Variants in MYO1E observed in about 807,000 individuals in gnomAD.
MYO1E encodes unconventional myosin-Ie.
In MYO1E, 68 loss-of-function variants were observed where a neutral mutation model predicts 151.1. The ratio of observed to expected loss-of-function variants is 0.45; its 90% CI spans 0.37 to 0.55. The LOEUF (loss-of-function observed/expected upper bound fraction) is 0.55, where lower values mean the gene tolerates loss of function less well. Among genes scored for constraint, MYO1E ranks in the 20% least tolerant of loss-of-function variants. The pLI is 0.00. For synonymous variants in MYO1E, 601 were observed against 501.7 expected, an observed-to-expected ratio of 1.20 and a Z score of -2.64; for missense variants, 1,363 against 1,389.3, an observed-to-expected ratio of 0.98 and a Z score of 0.30.
chr15:59,362,637 T>C (rs559075324), intron 1 of MYO1E, among the ~76,000 whole-genome samples: 2 of 152,360 alleles, frequency 1.3e-5, no homozygotes, highest in Non-Finnish European at 1.5e-5. Flanking sequence ...CTTATTAGAT[T>C]CTTCTGCATT....
intron 1 of MYO1E, among the ~76,000 whole-genome samples, chr15:59,327,181 T>C (rs146230249): frequency 2.6e-5 from 4 of 152,270 alleles, no homozygotes; most frequent in African/African-American, 7.2e-5. Flanking sequence ...CATGTAATCC[T>C]CCACCTTGTG....
chr15:59,366,681 T>C (rs1353442550), intron 1 of MYO1E, among the ~76,000 whole-genome samples: 1 of 152,114 alleles, frequency 6.6e-6, no homozygotes, highest in Non-Finnish European at 1.5e-5. Flanking sequence ...CTTTTACAGT[T>C]GTACTTCTCT....
chr15:59,340,009 G>A (rs762456101), intron 1 of MYO1E, among the ~76,000 whole-genome samples: 27 of 152,018 alleles, frequency 1.8e-4, no homozygotes, highest in Admixed American at 3.9e-4. Context: ...TACCACATCT[G>A]GCTAATTTTT....
intron 1 of MYO1E, among the ~76,000 whole-genome samples, chr15:59,283,663 C>T (rs759638225): frequency 6.6e-6 from 1 of 152,228 alleles, no homozygotes; most frequent in Non-Finnish European, 1.5e-5. Flanking sequence ...AAGCATTTTA[C>T]ATATAACTTA....
chr15:59,135,193 C>A lies in MYO1E; in HGVS notation c.*2187G>T. The A allele has an allele frequency of 6.6e-6, 1 of 152,182 alleles. No homozygotes were observed. The highest frequency in any genetic ancestry group is 1.9e-4 in the East Asian group (1 of 5,196). The allele number at this position is 152,182 out of a possible 1,614,324, so 9.4% of individuals were successfully genotyped here. A position where few individuals can be genotyped will look rare whatever the true frequency, so the allele number is the denominator to read the frequency against. On this transcript the variant is annotated 3_prime_UTR_variant, in exon 28 of 28. Transcript: ENST00000288235. ...ACGATGCAGGTGCTAAGGGCTTGGTCTGTGATTTCCATGGATGAGGGTGTT... is the reference window on the plus strand; with the variant it reads ...ACGATGCAGGTGCTAAGGGCTTGGTATGTGATTTCCATGGATGAGGGTGTT...
Position 59,302,798 on chromosome 15 carries a change from T to C in MYO1E, c.4-30349A>G, listed in dbSNP as rs144931149. On this transcript the variant is annotated intron_variant, in intron 1 of 27. Coordinates refer to ENST00000288235, the MANE Select transcript of MYO1E (RefSeq NM_004998.4). The stretch of plus-strand genomic sequence containing the variant: ...GGACACTATATAAATTATACAAATA[T>C]GTTAAAAATTATTGAAAGTAAATAA... Among the ~76,000 whole-genome samples the C allele has an allele frequency of 6.7e-3, 1,016 of 152,246 alleles. 6 individuals are homozygous for C. Among genetic ancestry groups the C allele is most frequent in the African/African-American group, 0.023 (955 of 41,518 alleles).
chr15:59,301,156 G>A (rs1218072970), intron 1 of MYO1E, among the ~76,000 whole-genome samples: 2 of 151,948 alleles, frequency 1.3e-5, no homozygotes, highest in African/African-American at 4.8e-5. Flanking sequence ...CACCGCACCT[G>A]GCACATTTGT....
At chr15:59,213,197 G>C (rs544398723) in intron 12 of MYO1E, among the ~76,000 whole-genome samples, 1 of 150,014 alleles carries the variant, frequency 6.7e-6, no homozygotes, top group Non-Finnish European at 1.5e-5. Context: ...TTGAGACGAA[G>C]TCTCGCTCTG....
intron 4 of MYO1E, among the ~76,000 whole-genome samples, chr15:59,248,706 A>T (rs1407553822): frequency 1.3e-5 from 2 of 152,142 alleles, no homozygotes; most frequent in Admixed American, 6.5e-5. Flanking sequence ...ACAGGAAAGT[A>T]AACAGCAGAG....
intron 1 of MYO1E, among the ~76,000 whole-genome samples, chr15:59,372,247 C>T (rs539265931): frequency 2.6e-5 from 4 of 152,264 alleles, no homozygotes; most frequent in South Asian, 4.1e-4. Context: ...GCAGCCATAG[C>T]AACCCGGCCA....
chr15:59,158,319 T>C lies in MYO1E; in HGVS notation c.2846A>G (p.Asn949Ser), dbSNP rs766953261. Reference protein sequence around the residue: ...TGYSSGTQNANYPVRAAPPPP... With the variant: ...TGYSSGTQNASYPVRAAPPPP... Reference sequence around the variant, plus strand: ...AGGAGGGGCAGCTCTCACTGGGTAGTTGGCATTTTGAGTCCCACTGGAATA... The same window carrying C: ...AGGAGGGGCAGCTCTCACTGGGTAGCTGGCATTTTGAGTCCCACTGGAATA... Residue 949 changes from asparagine (N) to serine (S), a missense_variant, in exon 25 of 28, where the codon AAC (asparagine) becomes AGC (serine). Transcript: ENST00000288235. 14 of 1,577,796 alleles carry C rather than the reference T, an allele frequency of 8.9e-6. No individual in the cohort carries two copies. The highest frequency in any genetic ancestry group is 2.3e-5 in the South Asian group (2 of 86,418).
intron 17 of MYO1E, among the ~76,000 whole-genome samples, chr15:59,194,111 T>C (rs994260188): frequency 6.6e-6 from 1 of 151,854 alleles, no homozygotes; most frequent in South Asian, 2.1e-4. Flanking sequence ...GAGGCAGAGG[T>C]TGCAGTGAAC....
chr15:59,249,119 A>C (rs79379536), intron 4 of MYO1E, among the ~76,000 whole-genome samples: 6 of 152,080 alleles, frequency 3.9e-5, no homozygotes, highest in Middle Eastern at 3.4e-3. Context: ...TCCTTGATTT[A>C]TTTCTTTCAA....
chr15:59,253,403 G>C (rs1231159943), intron 4 of MYO1E, among the ~76,000 whole-genome samples: 1 of 151,822 alleles, frequency 6.6e-6, no homozygotes. Context: ...GACACACGAA[G>C]AGAGAGCAAC....
chr15:59,351,250 C>G (rs77020191), intron 1 of MYO1E, among the ~76,000 whole-genome samples: 7,292 of 152,206 alleles, frequency 0.048, 260 homozygotes, highest in Non-Finnish European at 0.064. Flanking sequence ...GAAGGGAAAT[C>G]TAGTCACAGG....
intron 1 of MYO1E, among the ~76,000 whole-genome samples, chr15:59,272,923 C>T (rs2080296761): frequency 6.6e-6 from 1 of 152,138 alleles, no homozygotes; most frequent in South Asian, 2.1e-4. Flanking sequence ...ATGACAGAAT[C>T]CAGAAATGGA....
chr15:59,136,662 CCTT>C lies in MYO1E; in HGVS notation c.*715_*717del, dbSNP rs1177969342. 19 of 456,032 alleles carry C rather than the reference CCTT, an allele frequency of 4.2e-5. No homozygotes were observed. Among genetic ancestry groups the C allele is most frequent in the Non-Finnish European group, 7.9e-5 (18 of 226,592 alleles). 28.2% of individuals were successfully genotyped at this position (456,032 alleles called of 1,614,324 possible). A position where few individuals can be genotyped will look rare whatever the true frequency, so the allele number is the denominator to read the frequency against. ...ATAAATGTACAGCTTGAAAAAAGAT[CCTT>C]CTTGTAGTAAGTACAGCATTTAAAC... On this transcript the variant is annotated 3_prime_UTR_variant, in exon 28 of 28. Coordinates refer to ENST00000288235, the MANE Select transcript of MYO1E (RefSeq NM_004998.4).
chr15:59,349,282 G>C (rs902817408), intron 1 of MYO1E, among the ~76,000 whole-genome samples: 34 of 151,598 alleles, frequency 2.2e-4, no homozygotes, highest in African/African-American at 8.2e-4. Flanking sequence ...TTTTCTATTT[G>C]CAATTATAAT....
At chr15:59,185,375 C>T (rs144596464) in intron 18 of MYO1E, among the ~76,000 whole-genome samples, 163 of 152,290 alleles carry the variant, frequency 1.1e-3, no homozygotes, top group African/African-American at 3.8e-3. Context: ...TCAAGCAATT[C>T]TCCTGCCTCA....
Sources: allele counts gnomAD v4.1 joint callset (sites outside exome capture counted in the v4.1 genomes callset), GRCh38; gene constraint gnomAD v4.1.1; transcripts MANE v1.5; gene names NCBI Gene and HGNC (gene_info 2026-07-23, HGNC 2026-07-21).